ITPR1: variants seen among roughly 807,000 people sequenced by gnomAD.
ITPR1 encodes the protein inositol 1,4,5-trisphosphate-gated calcium channel ITPR1.
In ITPR1, 96 loss-of-function variants were observed where a neutral mutation model predicts 318.4. The ratio of observed to expected loss-of-function variants is 0.30; its 90% CI spans 0.26 to 0.36. ITPR1 has a LOEUF of 0.36. ITPR1 is among the 10% of genes least tolerant of loss of function. ITPR1 has a pLI of 1.00. For synonymous variants in ITPR1, 1,312 were observed against 1,289.9 expected (o/e 1.02, Z -0.37); for missense variants, 2,440 against 3,460.2 (o/e 0.71, Z 7.40).
intron 52 of ITPR1, 197 bp from the exon 53 acceptor site, chr3:4,794,868 A>C (rs111791275): frequency 0.024 from 12,516 of 529,758 alleles, 220 homozygotes; most frequent in South Asian, 0.047. Context: ...TGTTCCAGTA[A>C]GTACTCCACA....
intron 4 of ITPR1, among the ~76,000 whole-genome samples, chr3:4,604,622 G>T (rs970290416): frequency 1.3e-5 from 2 of 152,096 alleles, no homozygotes; most frequent in African/African-American, 4.8e-5. Flanking sequence ...CTCTTTCATG[G>T]ACACGCATGG....
chr3:4,666,776 G>A (rs949785748), intron 17 of ITPR1, among the ~76,000 whole-genome samples: 1 of 152,162 alleles, frequency 6.6e-6, no homozygotes, highest in South Asian at 2.1e-4. Context: ...ATTTCCTTGA[G>A]TTCACAAATA....
At chr3:4,669,945 T>G (rs889202650) in intron 19 of ITPR1, among the ~76,000 whole-genome samples, 172 bp downstream of exon 19, 26 of 152,334 alleles carry the variant, frequency 1.7e-4, no homozygotes, top group Admixed American at 3.3e-4. Flanking sequence ...GAATTTGATT[T>G]TGGTGTCACC....
intron 10 of ITPR1, among the ~76,000 whole-genome samples, chr3:4,646,422 C>A (rs1308556963): frequency 6.6e-6 from 1 of 152,096 alleles, no homozygotes; most frequent in Non-Finnish European, 1.5e-5. Flanking sequence ...GAGAATGGTG[C>A]AGAATGTGGA....
intron 57 of ITPR1, chr3:4,814,168 A>G (rs532934816): frequency 4.2e-6 from 2 of 472,822 alleles, no homozygotes; most frequent in Non-Finnish European, 7.7e-6. Context: ...TGAAAAGGAC[A>G]GGGCATGTTT....
chr3:4,674,044 TATATAGTTGGTG>T (rs2094139674), intron 21 of ITPR1, among the ~76,000 whole-genome samples, 146 bp from the exon 22 acceptor site: 1 of 152,294 alleles, frequency 6.6e-6, no homozygotes, highest in Admixed American at 6.5e-5. Context: ...ACGACTCAAA[TATATAGTTGGTG>T]ATATATGCTA....
chr3:4,560,974 T>A (rs1411609273), intron 4 of ITPR1, among the ~76,000 whole-genome samples: 1 of 152,194 alleles, frequency 6.6e-6, no homozygotes, highest in Non-Finnish European at 1.5e-5. Flanking sequence ...AAGATGGCCT[T>A]TTGCTGCTTT....
At chr3:4,727,965 G>C (rs1259491200) in intron 42 of ITPR1, among the ~76,000 whole-genome samples, 1 of 152,096 alleles carries the variant, frequency 6.6e-6, no homozygotes, top group African/African-American at 2.4e-5. Context: ...ATTGTCATTG[G>C]GATTATTCTA....
At position 4,846,831 on chromosome 3, in the gene ITPR1, G is replaced by GTCTA. The variant is rs1168980809; in HGVS notation, c.*608_*611dup. 6.6e-6 allele frequency: 1 copy of GTCTA among 152,596 alleles called. No individual in the cohort carries two copies. Among genetic ancestry groups the GTCTA allele is most frequent in the Non-Finnish European group, 1.5e-5 (1 of 68,032 alleles). The allele number at this position is 152,596 out of a possible 1,614,324, so 9.5% of individuals were successfully genotyped here. On this transcript the variant is annotated 3_prime_UTR_variant, in exon 62 of 62. Coordinates refer to ENST00000649015, the MANE Select transcript of ITPR1 (RefSeq NM_001378452.1). ...CCGTCTCCTAGTGATAATGCTCCAAGTCTATGAACTGTTAAATCAGCATTC... is the reference window on the plus strand; with the variant it reads ...CCGTCTCCTAGTGATAATGCTCCAAGTCTATCTATGAACTGTTAAATCAGCATTC...
Position 4,681,362 on chromosome 3 carries a change from AG to A in ITPR1, c.3107del. The A allele has an allele frequency of 6.2e-7, 1 of 1,609,756 alleles. No individual in the cohort carries two copies. The highest frequency in any genetic ancestry group is 8.5e-7 in the Non-Finnish European group (1 of 1,176,250). On this transcript the variant is annotated splice_acceptor_variant, in intron 25 of 61. Transcript: ENST00000649015. LOFTEE classifies it high-confidence loss of function. ...CTGAAGTGGTATGTTCTAACTTTTC[AG>A]GTGCTCTTGACTTTGAACACATTGA... is the stretch of plus-strand genomic sequence containing the variant.
intron 39 of ITPR1, among the ~76,000 whole-genome samples, chr3:4,716,518 A>G (rs1040205891): frequency 3.9e-5 from 6 of 152,308 alleles, no homozygotes; most frequent in South Asian, 2.1e-4. Context: ...TAGAAAGTAT[A>G]TGACCTCAGG....
chr3:4,682,517 C>T (rs1271059513), intron 26 of ITPR1, among the ~76,000 whole-genome samples: 1 of 152,168 alleles, frequency 6.6e-6, no homozygotes, highest in Non-Finnish European at 1.5e-5. Context: ...TAATAGTCTA[C>T]CTCAATGCTT....
At chr3:4,675,269 A>G in intron 23 of ITPR1, 21 bp downstream of exon 23, 1 of 1,584,012 alleles carries the variant, frequency 6.3e-7, no homozygotes, top group Non-Finnish European at 8.6e-7. Context: ...GAGGGTGCCC[A>G]TACATCTGAG....
chr3:4,504,329 G>C (rs937609367), intron 2 of ITPR1, among the ~76,000 whole-genome samples: 1 of 152,162 alleles, frequency 6.6e-6, no homozygotes, highest in Non-Finnish European at 1.5e-5. Flanking sequence ...AATGAGCAAC[G>C]TTGTATTATA....
chr3:4,642,822 T>C (rs1335837091), intron 7 of ITPR1, among the ~76,000 whole-genome samples: 1 of 152,208 alleles, frequency 6.6e-6, no homozygotes, highest in Admixed American at 6.5e-5. Flanking sequence ...AGTCCTGATA[T>C]TTGTTGGCTG....
In ITPR1 at chr3:4,670,763, T is replaced by A. The variant is rs1343314012; in HGVS notation, c.2041T>A (p.Ser681Thr). Residue 681 changes from serine to threonine, a missense_variant, in exon 20 of 62, where the codon TCT becomes ACT. Around this residue, in one of 23 missense-constraint regions of ITPR1, gnomAD observed 478 missense variants for 696.3 expected, o/e 0.69. Transcript: ENST00000649015. ...VLSRFEFEGV[S>T]STGENALEAG... ...TTCTCGTTTTGAATTTGAAGGTGTC[T>A]CTTCCACTGGAGAGAATGCTCTGGA... is the stretch of plus-strand genomic sequence containing the variant. 2 of 1,603,038 alleles carry A rather than the reference T, an allele frequency of 1.2e-6. No individual in the cohort carries two copies. Among genetic ancestry groups the A allele is most frequent in the Non-Finnish European group, 1.7e-6 (2 of 1,174,340 alleles).
chr3:4,705,692 A>G lies in ITPR1; in HGVS notation c.4658-475A>G, dbSNP rs2094742471. Among the ~76,000 whole-genome samples the G allele has an allele frequency of 2.0e-5, 3 of 152,324 alleles. No homozygotes were observed. In the South Asian group the frequency reaches 6.2e-4, roughly 32 times the overall value. On this transcript the variant is annotated intron_variant, in intron 36 of 61. Transcript: ENST00000649015. ...TTTTAAGACGAAGAAAGAAGCACCT[A>G]TCCAGAAAGAGGAGTTTATGCCATT... is the stretch of plus-strand genomic sequence containing the variant.
At chr3:4,665,030 AT>A in intron 16 of ITPR1, 107 bp from the exon 17 acceptor site, 1 of 1,193,520 alleles carries the variant, frequency 8.4e-7, no homozygotes, top group Non-Finnish European at 1.2e-6. Context: ...GGATAGAGAA[AT>A]TTTCTAATGT....
At position 4,644,200 on chromosome 3, in the gene ITPR1, G is replaced by C; in HGVS notation, c.590G>C (p.Ser197Thr). 6.2e-7 allele frequency: 1 copy of C among 1,610,312 alleles called. No homozygotes were observed. The highest frequency in any genetic ancestry group is 8.5e-7 in the Non-Finnish European group (1 of 1,178,292). ...VNAGQPLHASSHQLVDNPGCN... is the reference protein window; with the variant it reads ...VNAGQPLHASTHQLVDNPGCN... ...GCTGGTCAGCCCCTACATGCTAGCA[G>C]CCATCAACTGGTAGATAACCCAGGC... The change falls in exon 8 of 62, where the codon AGC (serine) becomes ACC (threonine). Residue 197 changes from serine to threonine, a missense_variant. Physicochemically the swap from Ser to Thr is moderately conservative, Grantham distance 58. Coordinates refer to ENST00000649015, the MANE Select transcript of ITPR1 (RefSeq NM_001378452.1).
Sources: allele counts gnomAD v4.1 joint callset (sites outside exome capture counted in the v4.1 genomes callset), GRCh38; gene constraint gnomAD v4.1.1; regional missense constraint gnomAD v4.1.1; transcripts MANE v1.5; gene names NCBI Gene and HGNC (gene_info 2026-07-23, HGNC 2026-07-21).